The following SLC9A7 variants were observed in gnomAD, a reference collection of about 807,000 sequenced individuals.
The protein encoded by SLC9A7 is sodium/hydrogen exchanger 7.
A neutral mutation model predicts 52.6 loss-of-function variants in SLC9A7; 19 were observed. The observed-to-expected ratio is 0.36, with a 90% CI of 0.25 to 0.53. SLC9A7 has a LOEUF of 0.53. Ranked by LOEUF, SLC9A7 falls within the 20% of genes least tolerant of loss-of-function variation. SLC9A7 has a pLI of 0.91. For synonymous variants in SLC9A7, 226 were observed against 252.1 expected, an observed-to-expected ratio of 0.90 and a Z score of 0.98; for missense variants, 455 against 597.9, an observed-to-expected ratio of 0.76 and a Z score of 2.49.
At chrX:46,676,960 G>C (rs1187310610) in intron 3 of SLC9A7, among the ~76,000 whole-genome samples, 1 of 111,600 alleles carries the variant, frequency 9.0e-6, no homozygotes, top group African/African-American at 3.3e-5. Flanking sequence ...TAATCATTCT[G>C]AGCTGAGATT....
At chrX:46,670,155 G>A (rs1397784103) in intron 4 of SLC9A7, among the ~76,000 whole-genome samples, 2 of 111,760 alleles carry the variant, frequency 1.8e-5, no homozygotes, top group African/African-American at 6.5e-5. Flanking sequence ...TGCAACTAGA[G>A]AGAAAAAAAT....
chrX:46,675,096 TGTGTGTG>T (rs1212863096), intron 3 of SLC9A7, among the ~76,000 whole-genome samples: 3 of 104,709 alleles, frequency 2.9e-5, no homozygotes, highest in Non-Finnish European at 2.0e-5. Context: ...TGTGTGTGTG[TGTGTGTG>T]TGTGTGTGTG....
intron 15 of SLC9A7, among the ~76,000 whole-genome samples, chrX:46,617,253 G>A (rs1234277784): frequency 4.5e-5 from 5 of 111,487 alleles, no homozygotes; most frequent in African/African-American, 1.6e-4. Flanking sequence ...TAATTTTCAA[G>A]AATTTTTTGT....
At chrX:46,694,955 G>A (rs1462115263) in intron 1 of SLC9A7, among the ~76,000 whole-genome samples, 1 of 112,079 alleles carries the variant, frequency 8.9e-6, no homozygotes, top group African/African-American at 3.2e-5. Context: ...AAGCATACAT[G>A]CTCAGTGAAA....
chrX:46,620,068 C>T (rs1478928952), intron 15 of SLC9A7, among the ~76,000 whole-genome samples: 4 of 111,990 alleles, frequency 3.6e-5, no homozygotes, highest in Admixed American at 9.5e-5. Context: ...ACAGTTTTGG[C>T]GTCTCCAAAG....
chrX:46,660,613 T>A (rs1175824487), intron 7 of SLC9A7, among the ~76,000 whole-genome samples: 27 of 111,007 alleles, frequency 2.4e-4, no homozygotes, highest in Non-Finnish European at 4.7e-4. Flanking sequence ...AAAAAACACA[T>A]GAAAAAATGC....
intron 12 of SLC9A7, among the ~76,000 whole-genome samples, chrX:46,639,174 T>C (rs1943365401): frequency 9.0e-6 from 1 of 111,448 alleles, no homozygotes; most frequent in South Asian, 3.7e-4. Flanking sequence ...TGAAAAAAAC[T>C]CTCAGAAAAC....
At chrX:46,652,902 A>G (rs1197589318) in intron 8 of SLC9A7, among the ~76,000 whole-genome samples, 1 of 112,265 alleles carries the variant, frequency 8.9e-6, no homozygotes, top group Admixed American at 9.4e-5. Flanking sequence ...GTTCACACTC[A>G]TCTGAGCAGA....
chrX:46,613,558 G>T lies in SLC9A7; in HGVS notation c.1824-164C>A, dbSNP rs568893456. On this transcript the variant is annotated intron_variant, in intron 15 of 16. Transcript: ENST00000616978. ...AACATGCAACAGTTTGAATCAAAGA[G>T]TAAGATACGCCCTATCAGCCTTAAA... Among the ~76,000 whole-genome samples, 8 of 112,580 alleles carry T rather than the reference G, an allele frequency of 7.1e-5. No homozygotes were observed. The South Asian group carries it at 2.9e-3, about 41-fold the overall frequency.
rs879026317 is a variant in SLC9A7 at position 46,651,472 on chromosome X, T to C, written c.1148-68A>G. 3.6e-5 allele frequency: 33 copies of C among 915,634 alleles called. No individual in the cohort carries two copies. In the South Asian group the frequency reaches 6.6e-4, roughly 18 times the overall value. 75.5% of individuals were successfully genotyped at this position (915,634 alleles called of 1,213,427 possible). A position where few individuals can be genotyped will look rare whatever the true frequency, so the allele number is the denominator to read the frequency against. On this transcript the variant is annotated intron_variant, in intron 8 of 16. Coordinates refer to ENST00000616978, the MANE Select transcript of SLC9A7 (RefSeq NM_001257291.2). ...AGGCAGGGGAAAAAAAAAACCCTGC[T>C]AGAACAAAAAGTTAAGGTAGGCAAG...
chrX:46,702,563 C>T (rs775234721), intron 1 of SLC9A7, among the ~76,000 whole-genome samples: 1 of 111,754 alleles, frequency 8.9e-6, no homozygotes, highest in East Asian at 2.8e-4. Flanking sequence ...TGTTAATTTG[C>T]TTAGGATTAT....
At chrX:46,700,649 T>C (rs1944517033) in intron 1 of SLC9A7, among the ~76,000 whole-genome samples, 1 of 112,388 alleles carries the variant, frequency 8.9e-6, no homozygotes, top group Non-Finnish European at 1.9e-5. Context: ...CTTGGACTTC[T>C]GGCCGCCAGA....
At chrX:46,678,593 T>C (rs1944160297) in intron 3 of SLC9A7, among the ~76,000 whole-genome samples, 1 of 108,978 alleles carries the variant, frequency 9.2e-6, no homozygotes, top group African/African-American at 3.3e-5. Context: ...TGTACCACCA[T>C]GCCCAGCTAA....
chrX:46,607,038 C>T lies in SLC9A7; in HGVS notation c.2095G>A (p.Val699Met), dbSNP rs973656450. The change falls in exon 17 of 17, where the codon GTG becomes ATG. Residue 699 changes from valine (V) to methionine (M), a missense_variant. By Grantham distance (21) the Val-to-Met change is conservative. Around this residue, in one of 3 missense-constraint regions of SLC9A7, gnomAD observed 146 missense variants for 160.5 expected, o/e 0.91. Transcript: ENST00000616978. The part of the protein sequence containing the change: ...SRRTKSSSEE[V>M]LERDLGMGDQ... ...CCCATTCCCAGGTCTCGCTCCAGCA[C>T]TTCCTCCGAGCTGCTCTTCGTTCTC... 1 of 1,211,839 alleles carries T rather than the reference C, an allele frequency of 8.3e-7. No individual in the cohort carries two copies. Among genetic ancestry groups the T allele is most frequent in the East Asian group, 3.0e-5 (1 of 33,836 alleles).
chrX:46,691,759 C>G (rs1373766212), intron 1 of SLC9A7, among the ~76,000 whole-genome samples: 2 of 111,315 alleles, frequency 1.8e-5, no homozygotes, highest in Non-Finnish European at 3.8e-5. Flanking sequence ...AGCTACAGAA[C>G]TCACTGTTTT....
At chrX:46,740,019 CAG>C (rs1469701045) in intron 1 of SLC9A7, among the ~76,000 whole-genome samples, 1 of 111,694 alleles carries the variant, frequency 9.0e-6, no homozygotes, top group Non-Finnish European at 1.9e-5. Context: ...CAGCAGTCAA[CAG>C]AGTCCTAGAC....
Position 46,661,116 on chromosome X carries a change from G to A in SLC9A7, c.1041+900C>T, listed in dbSNP as rs372035247. Among the ~76,000 whole-genome samples the A allele has an allele frequency of 1.4e-4, 15 of 109,551 alleles. No homozygotes were observed. The East Asian group carries it at 1.7e-3, about 13-fold the overall frequency. ...AAATCATCATTCTCAGTAAACTATC[G>A]CAAGAACAAAAAACCAAACGCTGCA... On this transcript the variant is annotated intron_variant, in intron 7 of 16. Coordinates refer to ENST00000616978, the MANE Select transcript of SLC9A7 (RefSeq NM_001257291.2).
intron 5 of SLC9A7, among the ~76,000 whole-genome samples, chrX:46,668,882 G>C (rs766648307): frequency 8.1e-5 from 9 of 111,348 alleles, no homozygotes; most frequent in Admixed American, 4.8e-4. Flanking sequence ...AAATTGTTAA[G>C]ATAGGCTGGG....
intron 1 of SLC9A7, among the ~76,000 whole-genome samples, chrX:46,697,952 C>T (rs1013986950): frequency 3.6e-5 from 4 of 111,128 alleles, no homozygotes; most frequent in Admixed American, 9.6e-5. Context: ...CTCTTATGGT[C>T]GAGACTGCAG....
Sources: allele counts gnomAD v4.1 joint callset (sites outside exome capture counted in the v4.1 genomes callset), GRCh38; gene constraint gnomAD v4.1.1; regional missense constraint gnomAD v4.1.1; transcripts MANE v1.5; gene names NCBI Gene and HGNC (gene_info 2026-07-23, HGNC 2026-07-21).